LPP: variants seen among roughly 807,000 people sequenced by gnomAD.
LPP encodes lipoma-preferred partner.
Under a neutral mutation model 60.4 loss-of-function variants are expected in LPP, and 38 were observed. That is an observed-to-expected ratio of 0.63 (90% CI 0.49 to 0.83). The LOEUF is 0.83. Among genes scored for constraint, LPP ranks in the 40% least tolerant of loss-of-function variants. LPP has a pLI of 0.00. For synonymous variants in LPP, 328 were observed against 290.8 expected (o/e 1.13, Z -1.30); for missense variants, 902 against 783.6 (o/e 1.15, Z -1.80).
rs1266379019 is a variant in LPP at position 188,884,713 on chromosome 3, C to G, written c.*10234C>G. Reference sequence around the variant, plus strand: ...GTGACTCGATTCCTAAAAGAAGCCTCTCTCCCATGAACCACGATGTACGTT... The same window carrying G: ...GTGACTCGATTCCTAAAAGAAGCCTGTCTCCCATGAACCACGATGTACGTT... On this transcript the variant is annotated 3_prime_UTR_variant, in exon 12 of 12. Transcript: ENST00000617246. 1.8e-5 allele frequency: 4 copies of G among 227,236 alleles called. No homozygotes were observed. Among genetic ancestry groups the G allele is most frequent in the African/African-American group, 4.4e-5 (2 of 44,976 alleles). The allele number at this position is 227,236 out of a possible 1,614,324, so 14.1% of individuals were successfully genotyped here.
intron 7 of LPP, among the ~76,000 whole-genome samples, chr3:188,624,705 TTTTCCCTTTCCC>T (rs10566349): frequency 1.2e-3 from 81 of 68,428 alleles, no homozygotes; most frequent in East Asian, 9.9e-3. Flanking sequence ...CCTTCCTTCC[TTTTCCCTTTCCC>T]TTTCCCTTTC....
rs374847832 is a variant in LPP at position 188,277,166 on chromosome 3, C to T, written c.-67+51639C>T. On this transcript the variant is annotated intron_variant, in intron 2 of 11. Coordinates refer to ENST00000617246, the MANE Select transcript of LPP (RefSeq NM_001375462.1). ...TGATCCACCCGCCTCCACCTCACAA[C>T]GTGCTGGGATTACAGGCATGAGCCA... 1.2e-4 allele frequency among the ~76,000 whole-genome samples: 19 copies of T among 152,140 alleles called. No homozygotes were observed. In the East Asian group the frequency reaches 2.9e-3, roughly 23 times the overall value.
intron 1 of LPP, among the ~76,000 whole-genome samples, chr3:188,222,294 C>T (rs556209246): frequency 6.6e-6 from 1 of 152,072 alleles, no homozygotes; most frequent in Non-Finnish European, 1.5e-5. Context: ...ATATGCTTGG[C>T]TTACAAGACG....
intron 1 of LPP, chr3:188,208,222 G>A (rs1266982118): frequency 2.0e-5 from 3 of 152,192 alleles, no homozygotes; most frequent in East Asian, 3.9e-4. Flanking sequence ...ATCCTGACAA[G>A]TGGCATGTTG....
At chr3:188,276,574 C>A (rs117470991) in intron 2 of LPP, among the ~76,000 whole-genome samples, 6 of 151,978 alleles carry the variant, frequency 3.9e-5, no homozygotes, top group Non-Finnish European at 7.4e-5. Flanking sequence ...GGTGTTGGGG[C>A]GGATCCCTCA....
intron 6 of LPP, among the ~76,000 whole-genome samples, chr3:188,607,418 A>T (rs867723150): frequency 0.012 from 462 of 38,040 alleles, 4 homozygotes; most frequent in African/African-American, 0.017. Flanking sequence ...TATATATATA[A>T]TTTTTTTTTC....
At chr3:188,349,178 G>A (rs1258762698) in intron 3 of LPP, among the ~76,000 whole-genome samples, 1 of 152,030 alleles carries the variant, frequency 6.6e-6, no homozygotes, top group Non-Finnish European at 1.5e-5. Flanking sequence ...ATTCCTAGAG[G>A]GGAAGAATTT....
chr3:188,166,531 T>C (rs1720004804), intron 1 of LPP, among the ~76,000 whole-genome samples: 1 of 152,214 alleles, frequency 6.6e-6, no homozygotes, highest in African/African-American at 2.4e-5. Context: ...TCCTACAAAT[T>C]ACAGGTAAAT....
chr3:188,233,330 G>A (rs1720750048), intron 2 of LPP, among the ~76,000 whole-genome samples: 1 of 152,116 alleles, frequency 6.6e-6, no homozygotes, highest in African/African-American at 2.4e-5. Flanking sequence ...CTAGTCCAGG[G>A]GTGAATTCTA....
chr3:188,375,981 G>A (rs988587992), intron 3 of LPP, among the ~76,000 whole-genome samples: 17 of 152,288 alleles, frequency 1.1e-4, no homozygotes, highest in Middle Eastern at 3.4e-3. Flanking sequence ...TCATTCAGGA[G>A]CAGGTTGTTC....
chr3:188,782,624 G>C (rs77130692), intron 9 of LPP, among the ~76,000 whole-genome samples: 2 of 151,878 alleles, frequency 1.3e-5, no homozygotes, highest in African/African-American at 4.8e-5. Context: ...CTGTCAAATA[G>C]ATCATGAATG....
At chr3:188,515,575 G>A (rs1484382949) in intron 5 of LPP, among the ~76,000 whole-genome samples, 1 of 152,090 alleles carries the variant, frequency 6.6e-6, no homozygotes, top group Non-Finnish European at 1.5e-5. Flanking sequence ...ATTTAATGCT[G>A]TGTTCTCAGT....
At chr3:188,522,994 G>A (rs545727701) in intron 5 of LPP, among the ~76,000 whole-genome samples, 24 of 151,674 alleles carry the variant, frequency 1.6e-4, no homozygotes, top group Non-Finnish European at 2.4e-4. Context: ...TGCAACCTCC[G>A]CCTCTAGGGC....
At chr3:188,311,229 A>G (rs924870828) in intron 2 of LPP, among the ~76,000 whole-genome samples, 1 of 151,656 alleles carries the variant, frequency 6.6e-6, no homozygotes, top group African/African-American at 2.4e-5. Flanking sequence ...TCCCGGCACT[A>G]TGGGAGTCTG....
chr3:188,500,777 A>C lies in LPP; in HGVS notation c.306+16073A>C, dbSNP rs76382358. Among the ~76,000 whole-genome samples, 799 of 152,190 alleles carry C rather than the reference A, an allele frequency of 5.3e-3. 5 individuals are homozygous for C. The highest frequency in any genetic ancestry group is 0.019 in the African/African-American group (777 of 41,520). On this transcript the variant is annotated intron_variant, in intron 5 of 11. Transcript: ENST00000617246. ...TTTATTTGTGGTTTAGTCTTGGTGC[A>C]TTTTGTGTTTCTTGAAAATTTCCCT...
intron 9 of LPP, among the ~76,000 whole-genome samples, chr3:188,791,452 G>A (rs1055587727): frequency 2.0e-5 from 3 of 152,040 alleles, no homozygotes; most frequent in Admixed American, 6.6e-5. Flanking sequence ...TTGTTTATGC[G>A]ATCGTTTGTC....
chr3:188,778,993 T>C lies in LPP; in HGVS notation c.1410+18711T>C, dbSNP rs1030426837. On this transcript the variant is annotated intron_variant, in intron 9 of 11. Coordinates refer to ENST00000617246, the MANE Select transcript of LPP (RefSeq NM_001375462.1). Reference sequence around the variant, plus strand: ...TGTAGAAATGTATTGAATTTGAGAGTAATTTATGGAAAGTGCTGTCAGCAT... The same window carrying C: ...TGTAGAAATGTATTGAATTTGAGAGCAATTTATGGAAAGTGCTGTCAGCAT... Among the ~76,000 whole-genome samples the C allele has an allele frequency of 1.3e-4, 20 of 152,114 alleles. No homozygotes were observed. The East Asian group carries it at 1.3e-3, about 10-fold the overall frequency.
intron 6 of LPP, among the ~76,000 whole-genome samples, chr3:188,603,506 A>C (rs1211564042): frequency 6.6e-6 from 1 of 152,090 alleles, no homozygotes; most frequent in Non-Finnish European, 1.5e-5. Flanking sequence ...GCAGTTACTT[A>C]ATCTCTCGTC....
chr3:188,240,056 G>A (rs1723390530), intron 2 of LPP: 1 of 197,606 alleles, frequency 5.1e-6, no homozygotes, highest in Admixed American at 6.0e-5. Flanking sequence ...TGAGCACCTA[G>A]ATCTCTGGTA....
Sources: gnomAD v4.1 joint callset for allele counts (sites outside exome capture counted in the v4.1 genomes callset) on GRCh38, gnomAD v4.1.1 for gene constraint, MANE v1.5 for transcripts, NCBI Gene and HGNC (gene_info 2026-07-23, HGNC 2026-07-21) for gene names.